Variants in EPB41L4A observed in about 807,000 individuals in gnomAD.
The protein encoded by EPB41L4A is erythrocyte membrane protein band 4.1 like 4A.
In EPB41L4A, 100 loss-of-function variants were observed where a neutral mutation model predicts 108.6. That is an observed-to-expected ratio of 0.92 (90% CI 0.78 to 1.09). The LOEUF is 1.09. EPB41L4A is among the 50% of genes least tolerant of loss of function. The pLI is 0.00. For missense variants in EPB41L4A, 1,030 were observed against 842.7 expected, an observed-to-expected ratio of 1.22 and a Z score of -2.75; for synonymous variants, 319 against 289.0, an observed-to-expected ratio of 1.10 and a Z score of -1.05.
At chr5:112,185,533 A>T (rs1487695468) in intron 17 of EPB41L4A, among the ~76,000 whole-genome samples, 1 of 152,258 alleles carries the variant, frequency 6.6e-6, no homozygotes, top group Non-Finnish European at 1.5e-5. Context: ...TGTGCTAAGT[A>T]AAAAACTATC....
chr5:112,260,006 C>A (rs1751388239), intron 7 of EPB41L4A, 27 bp from the exon 8 acceptor site: 1 of 1,449,964 alleles, frequency 6.9e-7, no homozygotes, highest in Non-Finnish European at 9.7e-7. Context: ...ATGCCTATAA[C>A]CACATATTCA....
At chr5:112,395,110 A>C (rs1382232241) in intron 1 of EPB41L4A, among the ~76,000 whole-genome samples, 1 of 152,250 alleles carries the variant, frequency 6.6e-6, no homozygotes, top group Non-Finnish European at 1.5e-5. Context: ...TGGGTTAAAG[A>C]CTTAAATGTT....
At chr5:112,165,161 A>C (rs1184481274) in intron 22 of EPB41L4A, 43 bp from the exon 23 acceptor site, 11 of 1,464,284 alleles carry the variant, frequency 7.5e-6, no homozygotes, top group Non-Finnish European at 1.0e-5. Context: ...AGAAGAAAAC[A>C]GCCAAATGAA....
At chr5:112,145,881 A>C (rs1183354643) in exon 13 of EPB41L4A, 1 of 455,276 alleles carries the variant, frequency 2.2e-6, no homozygotes, top group East Asian at 7.0e-5. Context: ...TTACACTTAC[A>C]TCCCAGCCCC....
intron 19 of EPB41L4A, 36 bp downstream of exon 19, chr5:112,170,909 G>T (rs370725133): frequency 6.3e-7 from 1 of 1,576,736 alleles, no homozygotes; most frequent in South Asian, 1.1e-5. Context: ...AAACTACATG[G>T]GTTTTAAAAC....
chr5:112,413,854 G>T (rs543570360), intron 1 of EPB41L4A, among the ~76,000 whole-genome samples: 2 of 152,328 alleles, frequency 1.3e-5, no homozygotes, highest in South Asian at 4.1e-4. Context: ...GACTGGCAGG[G>T]CTAGATCAGG....
At chr5:112,261,785 C>A (rs74850553) in intron 7 of EPB41L4A, among the ~76,000 whole-genome samples, 3,784 of 152,240 alleles carry the variant, frequency 0.025, 92 homozygotes, top group African/African-American at 0.067. Flanking sequence ...CCTAACGCAT[C>A]CTTTACCTGG....
intron 12 of EPB41L4A, among the ~76,000 whole-genome samples, chr5:112,152,250 T>C (rs986820421): frequency 2.0e-5 from 3 of 150,258 alleles, no homozygotes; most frequent in Non-Finnish European, 4.5e-5. Flanking sequence ...AATAAAATGG[T>C]AGAAATTAAA....
intron 1 of EPB41L4A, among the ~76,000 whole-genome samples, chr5:112,349,082 G>A (rs982121951): frequency 2.4e-4 from 36 of 152,178 alleles, no homozygotes; most frequent in African/African-American, 6.8e-4. Flanking sequence ...AAATGACACC[G>A]CAGAGGACAA....
At chr5:112,339,938 C>G (rs1245747043) in intron 1 of EPB41L4A, among the ~76,000 whole-genome samples, 2 of 152,120 alleles carry the variant, frequency 1.3e-5, no homozygotes, top group Non-Finnish European at 2.9e-5. Flanking sequence ...TCTGGGCTCA[C>G]AGATGAGAAA....
At chr5:112,386,465 T>C (rs945507592) in intron 1 of EPB41L4A, among the ~76,000 whole-genome samples, 5 of 152,342 alleles carry the variant, frequency 3.3e-5, no homozygotes, top group Middle Eastern at 3.4e-3. Flanking sequence ...TCTAATTTCC[T>C]CTACATGGCC....
At chr5:112,276,709 G>C (rs1752650858) in intron 3 of EPB41L4A, among the ~76,000 whole-genome samples, 1 of 152,050 alleles carries the variant, frequency 6.6e-6, no homozygotes, top group African/African-American at 2.4e-5. Context: ...TAGAAACTGG[G>C]GAAAAGAAAT....
intron 15 of EPB41L4A, among the ~76,000 whole-genome samples, chr5:112,199,871 G>A (rs961957273): frequency 6.6e-6 from 1 of 152,132 alleles, no homozygotes; most frequent in African/African-American, 2.4e-5. Flanking sequence ...CTTGGTCCAT[G>A]CTCCCATTCT....
intron 1 of EPB41L4A, among the ~76,000 whole-genome samples, chr5:112,376,080 G>A (rs1264210569): frequency 6.6e-6 from 1 of 152,106 alleles, no homozygotes; most frequent in Non-Finnish European, 1.5e-5. Context: ...CCTAGGAAGA[G>A]GATTAAAAAG....
intron 1 of EPB41L4A, among the ~76,000 whole-genome samples, chr5:112,343,718 C>A (rs1757465583): frequency 6.6e-6 from 1 of 152,004 alleles, no homozygotes; most frequent in South Asian, 2.1e-4. Flanking sequence ...GTAGGAGTAT[C>A]TAGCAAGAAT....
chr5:112,203,768 G>C (rs751322798), intron 15 of EPB41L4A, among the ~76,000 whole-genome samples: 1 of 134,712 alleles, frequency 7.4e-6, no homozygotes, highest in South Asian at 2.4e-4. Flanking sequence ...TCGTCTGGGC[G>C]CAGTGGCTTA....
chr5:112,369,291 C>A (rs1163007632), intron 1 of EPB41L4A, among the ~76,000 whole-genome samples: 1 of 152,214 alleles, frequency 6.6e-6, no homozygotes, highest in Non-Finnish European at 1.5e-5. Context: ...CTTATTATCT[C>A]TTGTGTGGAC....
chr5:112,167,270 C>T (rs2150194126), intron 22 of EPB41L4A, among the ~76,000 whole-genome samples: 1 of 152,202 alleles, frequency 6.6e-6, no homozygotes, highest in South Asian at 2.1e-4. Flanking sequence ...AGATGAAACA[C>T]AAATGATTCA....
intron 1 of EPB41L4A, among the ~76,000 whole-genome samples, chr5:112,314,737 G>C (rs967694942): frequency 6.6e-6 from 1 of 151,766 alleles, no homozygotes; most frequent in African/African-American, 2.4e-5. Flanking sequence ...AGGTTGCAGT[G>C]AGCCGAGACT....
Sources: allele counts gnomAD v4.1 joint callset (sites outside exome capture counted in the v4.1 genomes callset), GRCh38; gene constraint gnomAD v4.1.1; transcripts MANE v1.5; gene names NCBI Gene and HGNC (gene_info 2026-07-23, HGNC 2026-07-21).